AMOTL1: variants seen among roughly 807,000 people sequenced by gnomAD.
AMOTL1 encodes angiomotin like 1, also known as angiomotin-like protein 1.
AMOTL1 carries 45 observed loss-of-function variants against 102.9 expected under a neutral mutation model. That is an observed-to-expected ratio of 0.44 (90% CI 0.34 to 0.56). AMOTL1 has a LOEUF of 0.56. Among genes scored for constraint, AMOTL1 ranks in the 20% least tolerant of loss-of-function variants. AMOTL1 has a pLI of 0.01. For missense variants in AMOTL1, 1,114 were observed against 1,225.6 expected (o/e 0.91, Z 1.36); for synonymous variants, 481 against 484.7 (o/e 0.99, Z 0.10).
chr11:94,743,306 A>G (rs771789363), intron 3 of AMOTL1, among the ~76,000 whole-genome samples: 7 of 152,182 alleles, frequency 4.6e-5, no homozygotes, highest in Non-Finnish European at 8.8e-5. Context: ...GCCTATAGCC[A>G]TTGGGTATTC....
chr11:94,828,402 C>T (rs920120438), intron 4 of AMOTL1, among the ~76,000 whole-genome samples: 1 of 152,192 alleles, frequency 6.6e-6, no homozygotes, highest in East Asian at 1.9e-4. Context: ...AAACCCCCAC[C>T]CTCCAACCCC....
chr11:94,707,940 G>T (rs989104772), intron 1 of AMOTL1, among the ~76,000 whole-genome samples: 1 of 151,950 alleles, frequency 6.6e-6, no homozygotes, highest in Non-Finnish European at 1.5e-5. Flanking sequence ...CTCACATCTG[G>T]GCCTCCTCTC....
chr11:94,850,768 C>T (rs550045413), intron 7 of AMOTL1, among the ~76,000 whole-genome samples: 51 of 152,292 alleles, frequency 3.3e-4, no homozygotes, highest in Non-Finnish European at 8.8e-5. Context: ...GTGGTGGTGG[C>T]GGCAGGTGCC....
At chr11:94,772,531 A>G (rs1950968436) in intron 1 of AMOTL1, among the ~76,000 whole-genome samples, 1 of 152,224 alleles carries the variant, frequency 6.6e-6, no homozygotes, top group South Asian at 2.1e-4. Context: ...GGATCCATCC[A>G]AATTTTTGCA....
chr11:94,728,132 T>A (rs1950289672), intron 1 of AMOTL1, among the ~76,000 whole-genome samples: 1 of 152,220 alleles, frequency 6.6e-6, no homozygotes, highest in Admixed American at 6.5e-5. Context: ...GTTCAATTAC[T>A]CAATCACTTT....
chr11:94,814,767 G>C (rs1951737552), intron 3 of AMOTL1, among the ~76,000 whole-genome samples: 1 of 152,178 alleles, frequency 6.6e-6, no homozygotes. Flanking sequence ...CTATTAGATT[G>C]TGAAATCAGA....
intron 1 of AMOTL1, among the ~76,000 whole-genome samples, chr11:94,772,313 T>G (rs1344662016): frequency 6.6e-6 from 1 of 152,190 alleles, no homozygotes; most frequent in Non-Finnish European, 1.5e-5. Context: ...TACAGACTAT[T>G]TTATTACCCC....
intron 1 of AMOTL1, among the ~76,000 whole-genome samples, chr11:94,778,777 G>T (rs1951064101): frequency 6.6e-6 from 1 of 152,200 alleles, no homozygotes; most frequent in Non-Finnish European, 1.5e-5. Context: ...TGAGTGGTTT[G>T]TGACTGGATT....
rs537150948 is a variant in AMOTL1 at position 94,803,184 on chromosome 11, G to A, written c.1121+2873G>A. ...GCCTAGAGGTAGAAAGCTCCAAAGAGACAAGTGATAGAACTTATGAGAAGA... is the reference window on the plus strand; with the variant it reads ...GCCTAGAGGTAGAAAGCTCCAAAGAAACAAGTGATAGAACTTATGAGAAGA... On this transcript the variant is annotated intron_variant, in intron 3 of 12. Coordinates refer to ENST00000433060, the MANE Select transcript of AMOTL1 (RefSeq NM_130847.3). Among the ~76,000 whole-genome samples the A allele has an allele frequency of 5.9e-5, 9 of 152,318 alleles. No individual in the cohort carries two copies. In the South Asian group the frequency reaches 1.9e-3, roughly 32 times the overall value.
chr11:94,863,530 T>A (rs774839084), intron 9 of AMOTL1, among the ~76,000 whole-genome samples: 1 of 152,010 alleles, frequency 6.6e-6, no homozygotes, highest in Non-Finnish European at 1.5e-5. Context: ...AGGTGGAGGT[T>A]GCAGTGAGCT....
At chr11:94,770,615 A>C (rs1257513243) in intron 1 of AMOTL1, among the ~76,000 whole-genome samples, 1 of 152,172 alleles carries the variant, frequency 6.6e-6, no homozygotes, top group African/African-American at 2.4e-5. Context: ...CCTTCTTTTT[A>C]AAATGCACAG....
chr11:94,707,242 CTCTCTCTCTG>C (rs752950583), intron 1 of AMOTL1, among the ~76,000 whole-genome samples: 562 of 50,582 alleles, frequency 0.011, 2 homozygotes, highest in Middle Eastern at 0.048. Flanking sequence ...CTCTCTCTCT[CTCTCTCTCTG>C]TGTGTGTGTG....
intron 12 of AMOTL1, among the ~76,000 whole-genome samples, chr11:94,870,202 A>G (rs902704905): frequency 6.6e-6 from 1 of 152,320 alleles, no homozygotes; most frequent in South Asian, 2.1e-4. Flanking sequence ...GAGACTAATC[A>G]TGGTCATGGG....
intron 1 of AMOTL1, among the ~76,000 whole-genome samples, chr11:94,724,827 A>G (rs1206554857): frequency 1.3e-5 from 2 of 152,130 alleles, no homozygotes; most frequent in Non-Finnish European, 2.9e-5. Context: ...AGTGTAAGTT[A>G]CCAGCAAGTA....
chr11:94,775,549 C>G (rs934765178), intron 1 of AMOTL1, among the ~76,000 whole-genome samples: 2 of 151,544 alleles, frequency 1.3e-5, no homozygotes, highest in Non-Finnish European at 2.9e-5. Flanking sequence ...TTTTAAAGTT[C>G]TAGACCTATG....
chr11:94,821,774 C>T lies in AMOTL1; in HGVS notation c.1366C>T (p.His456Tyr), dbSNP rs1951871447. ...EILTEENRVLHQELQGYYDNA... is the reference protein window; with the variant it reads ...EILTEENRVLYQELQGYYDNA... ...ATTAACAGAGGAGAACCGGGTGCTT[C>T]ACCAGGAACTTCAGGGTTACTACGA... is the stretch of plus-strand genomic sequence containing the variant. The change falls in exon 4 of 13, where the codon CAC (histidine) becomes TAC (tyrosine). Residue 456 changes from histidine (H) to tyrosine (Y), a missense_variant. Transcript: ENST00000433060. 1.2e-6 allele frequency: 2 copies of T among 1,613,894 alleles called. No homozygotes were observed. The highest frequency in any genetic ancestry group is 2.7e-5 in the African/African-American group (2 of 74,916).
chr11:94,757,071 C>G (rs1033953278), intron 3 of AMOTL1, among the ~76,000 whole-genome samples: 12 of 151,108 alleles, frequency 7.9e-5, no homozygotes, highest in African/African-American at 1.9e-4. Context: ...ATGGGGAGCT[C>G]AAATCAAGAT....
chr11:94,844,516 G>T (rs537543099), intron 6 of AMOTL1, among the ~76,000 whole-genome samples: 3 of 152,196 alleles, frequency 2.0e-5, no homozygotes, highest in Non-Finnish European at 4.4e-5. Context: ...TTCATAGTTC[G>T]GGAGGCTGGG....
At position 94,799,233 on chromosome 11, in the gene AMOTL1, C is replaced by G. The variant is rs1172742036; in HGVS notation, c.200-157C>G. On this transcript the variant is annotated intron_variant, in intron 2 of 12. Transcript: ENST00000433060. This position sits in a 1 kb window ranked among gnomAD's most constrained non-coding sequence, Gnocchi z 4.5. ...TCGCTTTGAATTGGAGAAGAAAATT[C>G]CATGAGACATTGCCAGGTAAATGGA... Among the ~76,000 whole-genome samples, 1 of 151,956 alleles carries G rather than the reference C, an allele frequency of 6.6e-6. No homozygotes were observed. The highest frequency in any genetic ancestry group is 1.9e-4 in the East Asian group (1 of 5,178).
Sources: allele counts gnomAD v4.1 joint callset (sites outside exome capture counted in the v4.1 genomes callset), GRCh38; gene constraint gnomAD v4.1.1; non-coding constraint Gnocchi (gnomAD v3.1); transcripts MANE v1.5; gene names NCBI Gene and HGNC (gene_info 2026-07-23, HGNC 2026-07-21).